TSC1: variants seen among roughly 807,000 people sequenced by gnomAD.
TSC1 encodes hamartin.
Under a neutral mutation model 124.3 loss-of-function variants are expected in TSC1, and 20 were observed. The ratio of observed to expected loss-of-function variants is 0.16; its 90% CI spans 0.11 to 0.23. The LOEUF (loss-of-function observed/expected upper bound fraction) is 0.23. Ranked by LOEUF, TSC1 falls within the 10% of genes least tolerant of loss-of-function variation. The probability of loss-of-function intolerance (pLI) is 1.00; values close to 1 mark genes in which losing one functional copy is unlikely to be tolerated. For synonymous variants in TSC1, 493 were observed against 539.1 expected, an observed-to-expected ratio of 0.91 and a Z score of 1.19; for missense variants, 1,124 against 1,448.5, an observed-to-expected ratio of 0.78 and a Z score of 3.64.
At chr9:132,899,208 G>C (rs1845245745) in intron 20 of TSC1, 1 of 152,336 alleles carries the variant, frequency 6.6e-6, no homozygotes. Context: ...TTACAAGCAT[G>C]AGCCACCACG....
intron 12 of TSC1, 166 bp downstream of exon 12, chr9:132,910,405 G>C: frequency 7.5e-7 from 1 of 1,327,012 alleles, no homozygotes; most frequent in East Asian, 2.4e-5. Flanking sequence ...GGGGTCGGCA[G>C]ATCACACCTT....
Position 132,896,224 on chromosome 9 carries a change from A to C in TSC1, c.*11T>G. The C allele has an allele frequency of 1.2e-6, 2 of 1,614,160 alleles. No individual in the cohort carries two copies. Among genetic ancestry groups the C allele is most frequent in the Non-Finnish European group, 1.7e-6 (2 of 1,180,020 alleles). ...ACAATATGCAAGTTAACACTGATTG[A>C]CCATCATTCCTTAGCTGTGTTCATG... On this transcript the variant is annotated 3_prime_UTR_variant, in exon 23 of 23. Coordinates refer to ENST00000298552, the MANE Select transcript of TSC1 (RefSeq NM_000368.5). The surrounding 1 kb of genome is among the most constrained non-coding windows in gnomAD (Gnocchi z 4.5).
rs1443159370 is a variant in TSC1, at chr9:132,923,277, A to C, written c.508+71T>G. On this transcript the variant is annotated intron_variant, in intron 6 of 22. Coordinates refer to ENST00000298552, the MANE Select transcript of TSC1 (RefSeq NM_000368.5). This position sits in a 1 kb window ranked among gnomAD's most constrained non-coding sequence, Gnocchi z 4.2. ...AGTCTACATGTCCATTCCTTACAGC[A>C]TATGAGCAATTAATCAATAATGAAA... 6.3e-7 allele frequency: 1 copy of C among 1,591,446 alleles called. No homozygotes were observed. Among genetic ancestry groups the C allele is most frequent in the African/African-American group, 1.3e-5 (1 of 74,430 alleles).
chr9:132,900,077 C>G (rs753001306), intron 20 of TSC1: 210 of 156,904 alleles, frequency 1.3e-3, no homozygotes, highest in Non-Finnish European at 1.8e-3. Flanking sequence ...AGACTCTTTA[C>G]AAAGCACATG....
intron 1 of TSC1, among the ~76,000 whole-genome samples, chr9:132,943,285 CT>C (rs1564516138): frequency 6.7e-6 from 1 of 149,376 alleles, no homozygotes; most frequent in Non-Finnish European, 1.5e-5. Context: ...CTTCAGTAAA[CT>C]CATCAGTTTT....
At chr9:132,928,590 G>A (rs1564504658) in intron 3 of TSC1, among the ~76,000 whole-genome samples, 177 bp downstream of exon 3, 1 of 152,144 alleles carries the variant, frequency 6.6e-6, no homozygotes, top group Non-Finnish European at 1.5e-5. Context: ...CTTCATGTGT[G>A]TGCATACTTG....
At position 132,902,272 on chromosome 9, in the gene TSC1, T is replaced by C. The variant is rs532492762; in HGVS notation, c.2391+333A>G. Among the ~76,000 whole-genome samples, 56 of 152,358 alleles carry C rather than the reference T, an allele frequency of 3.7e-4. 2 individuals are homozygous for C. The South Asian group carries it at 9.7e-3, about 27-fold the overall frequency. ...TAAAAATTAATTTATGTGTATTATC[T>C]GTGAACAGCTACTAAGTTCTTAGGA... On this transcript the variant is annotated intron_variant, in intron 18 of 22. Coordinates refer to ENST00000298552, the MANE Select transcript of TSC1 (RefSeq NM_000368.5). This position sits in a 1 kb window ranked among gnomAD's most constrained non-coding sequence, Gnocchi z 5.2.
In TSC1 at chr9:132,896,767, C is replaced by T. The variant is rs1845091594; in HGVS notation, c.2976-13G>A. 14 of 1,613,278 alleles carry T rather than the reference C, an allele frequency of 8.7e-6. No individual in the cohort carries two copies. Among genetic ancestry groups the T allele is most frequent in the African/African-American group, 1.3e-5 (1 of 74,834 alleles). On this transcript the variant is annotated splice_polypyrimidine_tract_variant and intron_variant, in intron 22 of 22. Transcript: ENST00000298552. This position sits in a 1 kb window ranked among gnomAD's most constrained non-coding sequence, Gnocchi z 4.5. ...ACAACAGTCAAGCCTGTAAGAAAGC[C>T]GGGGAGGAAAAAAGGAGCTGGTGAT...
Position 132,893,857 on chromosome 9 carries a change from A to T in TSC1, c.*2378T>A, listed in dbSNP as rs1844893224. On this transcript the variant is annotated 3_prime_UTR_variant, in exon 23 of 23. Transcript: ENST00000298552. ...CACCTTTCCATCCTTAGAACTACCCACTGCAGCATGATCAAGTGACCTGTT... is the reference window on the plus strand; with the variant it reads ...CACCTTTCCATCCTTAGAACTACCCTCTGCAGCATGATCAAGTGACCTGTT... The T allele has an allele frequency of 4.3e-6, 1 of 233,136 alleles. No homozygotes were observed. The highest frequency in any genetic ancestry group is 1.8e-4 in the South Asian group (1 of 5,524). 14.4% of individuals were successfully genotyped at this position (233,136 alleles called of 1,614,324 possible).
At chr9:132,924,187 C>T (rs139072836) in intron 5 of TSC1, among the ~76,000 whole-genome samples, 1 of 152,284 alleles carries the variant, frequency 6.6e-6, no homozygotes, top group Admixed American at 6.5e-5. Context: ...TAGCTAGCTA[C>T]AGCAGCTCAC....
rs535224524 is a variant in TSC1, at chr9:132,934,995, C to A, written c.-81+38G>T. 1.0e-5 allele frequency: 4 copies of A among 399,080 alleles called. No homozygotes were observed. The Admixed American group carries it at 1.8e-4, about 18-fold the overall frequency. 24.7% of individuals were successfully genotyped at this position (399,080 alleles called of 1,614,324 possible). On this transcript the variant is annotated intron_variant, in intron 2 of 22. Transcript: ENST00000298552. ...ACGACCATGGGCAAGATAATTCCCT[C>A]CCATCTTCCTCTAACCACTGGCCTG... is the stretch of plus-strand genomic sequence containing the variant.
chr9:132,906,606 C>G lies in TSC1; in HGVS notation c.1438+125G>C. 1.2e-6 allele frequency: 1 copy of G among 814,908 alleles called. No homozygotes were observed. The highest frequency in any genetic ancestry group is 1.5e-5 in the South Asian group (1 of 68,300). The allele number at this position is 814,908 out of a possible 1,614,324, so 50.5% of individuals were successfully genotyped here. Reference sequence around the variant, plus strand: ...ACCTGGCATAGGTCCCAGACTAAACCACCCATCTTGTTACCTCAAGAGAAG... The same window carrying G: ...ACCTGGCATAGGTCCCAGACTAAACGACCCATCTTGTTACCTCAAGAGAAG... On this transcript the variant is annotated intron_variant, in intron 14 of 22. Transcript: ENST00000298552. The surrounding 1 kb of genome is among the most constrained non-coding windows in gnomAD (Gnocchi z 4.1).
chr9:132,908,254 A>G (rs545727419), intron 12 of TSC1, among the ~76,000 whole-genome samples: 41 of 152,366 alleles, frequency 2.7e-4, no homozygotes, highest in African/African-American at 7.9e-4. Flanking sequence ...TTAAAAAACT[A>G]TATTTCCCGA....
At chr9:132,917,026 G>A (rs370881332) in intron 8 of TSC1, among the ~76,000 whole-genome samples, 235 of 152,322 alleles carry the variant, frequency 1.5e-3, no homozygotes, top group Admixed American at 3.5e-3. Flanking sequence ...ATATTTGATA[G>A]ACAAGTTGGC....
At position 132,892,188 on chromosome 9, in the gene TSC1, A is replaced by C. The variant is rs962619192; in HGVS notation, c.*4047T>G. 3.9e-5 allele frequency: 9 copies of C among 233,210 alleles called. No individual in the cohort carries two copies. Among genetic ancestry groups the C allele is most frequent in the African/African-American group, 2.0e-4 (9 of 45,344 alleles). 14.4% of individuals were successfully genotyped at this position (233,210 alleles called of 1,614,324 possible). On this transcript the variant is annotated 3_prime_UTR_variant, in exon 23 of 23. Transcript: ENST00000298552. ...CACATCGAAGAGTCCCGGACAGGCA[A>C]ACAAGCCACATGGGACAAGGGTCAC...
chr9:132,928,723 C>A, intron 3 of TSC1, 44 bp downstream of exon 3: 1 of 1,610,620 alleles, frequency 6.2e-7, no homozygotes, highest in Non-Finnish European at 8.5e-7. Flanking sequence ...AAGTCAATCT[C>A]TTCTTTCTAG....
upstream of TSC1, chr9:132,945,255 C>T (rs192349648): frequency 6.6e-5 from 10 of 152,418 alleles, no homozygotes; most frequent in South Asian, 6.2e-4. Context: ...AGAAGCCCGC[C>T]TCCGGGATTG....
At chr9:132,898,746 T>C (rs1215860187) in intron 20 of TSC1, among the ~76,000 whole-genome samples, 1 of 152,220 alleles carries the variant, frequency 6.6e-6, no homozygotes, top group African/African-American at 2.4e-5. Context: ...TGTTCCCACC[T>C]GATTCCCCAC....
At position 132,897,354 on chromosome 9, in the gene TSC1, T is replaced by TA; in HGVS notation, c.2814-10dup. On this transcript the variant is annotated splice_polypyrimidine_tract_variant and intron_variant, in intron 21 of 22. Transcript: ENST00000298552. Reference sequence around the variant, plus strand: ...CGGCCTGCAGCTGTCCTCTGAAAGATACAGACCAGCCAGAATATAGGAAGT... The same window carrying TA: ...CGGCCTGCAGCTGTCCTCTGAAAGATAACAGACCAGCCAGAATATAGGAAGT... 6.2e-7 allele frequency: 1 copy of TA among 1,614,176 alleles called. No homozygotes were observed. Among genetic ancestry groups the TA allele is most frequent in the Non-Finnish European group, 8.5e-7 (1 of 1,180,034 alleles).
Sources: gnomAD v4.1 joint callset for allele counts (sites outside exome capture counted in the v4.1 genomes callset) on GRCh38, gnomAD v4.1.1 for gene constraint, Gnocchi (gnomAD v3.1) non-coding constraint, MANE v1.5 for transcripts, NCBI Gene and HGNC (gene_info 2026-07-23, HGNC 2026-07-21) for gene names.